Variants in HSPG2 observed in about 807,000 individuals in gnomAD.
HSPG2 encodes the protein heparan sulfate proteoglycan 2, also known as basement membrane-specific heparan sulfate proteoglycan core protein.
A neutral mutation model predicts 526.6 loss-of-function variants in HSPG2; 278 were observed. That is an observed-to-expected ratio of 0.53 (90% CI 0.48 to 0.58). The LOEUF is 0.58. HSPG2 is among the 20% of genes least tolerant of loss of function. The pLI is 0.00. For missense variants in HSPG2, 5,354 were observed against 6,099.5 expected (o/e 0.88, Z 4.07); for synonymous variants, 2,465 against 2,555.4 (o/e 0.96, Z 1.07).
chr1:21,852,358 G>A (rs1638968667), intron 52 of HSPG2, 125 bp from the exon 53 acceptor site: 2 of 1,240,894 alleles, frequency 1.6e-6, no homozygotes, highest in Non-Finnish European at 2.3e-6. Context: ...AGGCATCTGG[G>A]GGCCTGGACT....
At chr1:21,856,722 C>T (rs1639367925) in intron 44 of HSPG2, among the ~76,000 whole-genome samples, 1 of 152,164 alleles carries the variant, frequency 6.6e-6, no homozygotes, top group Admixed American at 6.5e-5. Flanking sequence ...TGGCCTTCTC[C>T]CACCTTGTTT....
Position 21,847,502 on chromosome 1 carries a change from C to T in HSPG2, c.8026-10G>A, listed in dbSNP as rs377601366. 2.2e-5 allele frequency: 36 copies of T among 1,613,514 alleles called. No individual in the cohort carries two copies. The highest frequency in any genetic ancestry group is 3.3e-4 in the Middle Eastern group (2 of 6,074). ...GGTGGGAGCCATGGGTCTGGACGTG[C>T]GGATGGGGAAGGAGAGGGAGAGGGA... is the stretch of plus-strand genomic sequence containing the variant. On this transcript the variant is annotated splice_polypyrimidine_tract_variant and intron_variant, in intron 61 of 96. Coordinates refer to ENST00000374695, the MANE Select transcript of HSPG2 (RefSeq NM_005529.7). The surrounding 1 kb of genome is among the most constrained non-coding windows in gnomAD (Gnocchi z 4.1).
rs113071869 is a variant in HSPG2, at chr1:21,896,932, G to A, written c.64-622C>T. On this transcript the variant is annotated intron_variant, in intron 1 of 96. Transcript: ENST00000374695. ...ACTGACAGGCTCATCCCTGGGCCCA[G>A]CAGCGCGGAGGCAGAGCTCAGTATC... Among the ~76,000 whole-genome samples the A allele has an allele frequency of 1.2e-4, 18 of 152,344 alleles. 1 individual carries two copies. Among genetic ancestry groups the A allele is most frequent in the African/African-American group, 4.1e-4 (17 of 41,584 alleles).
rs1023997960 is a variant in HSPG2, at chr1:21,823,458, C to A, written c.13034G>T (p.Gly4345Val). The part of the protein sequence containing the change: ...GGAPDVATLT[G>V]GRFSSGITGC... ...TGTGATGCCTGAGGAGAATCTGCCC[C>A]CGGTCAGCGTGGCCACGTCAGGGGC... Residue 4345 changes from glycine (G) to valine (V), a missense_variant, in exon 97 of 97, where the codon GGG becomes GTG. Transcript: ENST00000374695. The A allele has an allele frequency of 1.3e-6, 2 of 1,596,072 alleles. No individual in the cohort carries two copies. Among genetic ancestry groups the A allele is most frequent in the Admixed American group, 1.7e-5 (1 of 58,754 alleles).
rs372063145 is a variant in HSPG2, at chr1:21,847,853, G to A, written c.7874-13C>T. ...GAGACGCTGGGCACTGGGGACAGAC[G>A]GGTGTGGACCACGCAGCCAGAGTGA... On this transcript the variant is annotated splice_polypyrimidine_tract_variant and intron_variant, in intron 60 of 96. Transcript: ENST00000374695. The surrounding 1 kb of genome is among the most constrained non-coding windows in gnomAD (Gnocchi z 4.1). The A allele has an allele frequency of 1.3e-4, 210 of 1,613,872 alleles. No homozygotes were observed. In the East Asian group the frequency reaches 2.0e-3, roughly 16 times the overall value.
At chr1:21,844,901 CCT>C (rs1265538649) in intron 64 of HSPG2, among the ~76,000 whole-genome samples, 6 of 152,286 alleles carry the variant, frequency 3.9e-5, no homozygotes, top group Non-Finnish European at 8.8e-5. Context: ...GCATGTGCCC[CCT>C]GTGCTATTAA....
Position 21,847,458 on chromosome 1 carries a change from G to C in HSPG2, c.8060C>G (p.Ser2687Cys). ...CACATACTCGCCCGAGTCAGCCACAGACATTTGGTGCAACCGCAGGTGGGA... is the reference window on the plus strand; with the variant it reads ...CACATACTCGCCCGAGTCAGCCACACACATTTGGTGCAACCGCAGGTGGGA... ...HGSHLRLHQM[S>C]VADSGEYVCR... Residue 2687 changes from serine to cysteine, a missense_variant, in exon 62 of 97, where the codon TCT becomes TGT. Coordinates refer to ENST00000374695, the MANE Select transcript of HSPG2 (RefSeq NM_005529.7). This position sits in a 1 kb window ranked among gnomAD's most constrained non-coding sequence, Gnocchi z 4.1. The C allele has an allele frequency of 6.2e-7, 1 of 1,613,954 alleles. No individual in the cohort carries two copies. Among genetic ancestry groups the C allele is most frequent in the Non-Finnish European group, 8.5e-7 (1 of 1,180,042 alleles).
chr1:21,908,756 C>A (rs12075736), intron 1 of HSPG2, among the ~76,000 whole-genome samples: 1,691 of 152,282 alleles, frequency 0.011, 32 homozygotes, highest in African/African-American at 0.039. Flanking sequence ...AGCACTGACA[C>A]TCTAAAACAT....
In HSPG2 at chr1:21,823,394, G is replaced by A. The variant is rs759562639; in HGVS notation, c.13098C>T (p.Pro4366=). 45 of 1,562,724 alleles carry A rather than the reference G, an allele frequency of 2.9e-5. No homozygotes were observed. Among genetic ancestry groups the A allele is most frequent in the African/African-American group, 1.4e-4 (10 of 74,000 alleles). Residue 4366 remains proline, a synonymous_variant, in exon 97 of 97, where the codon CCC becomes CCT. Transcript: ENST00000374695. ...CCAGGGGCTGTGGGGGCGGGGCGCC[G>A]GGTCGGGCCGAGTGCAGCACCAGGT... ...VKNLVLHSAR[P]GAPPPQPLDL...
chr1:21,855,955 G>A, intron 44 of HSPG2, 43 bp from the exon 45 acceptor site: 1 of 1,599,836 alleles, frequency 6.3e-7, no homozygotes, highest in Non-Finnish European at 8.5e-7. Flanking sequence ...GGTGGGGAGT[G>A]TCGTCTGACT....
In HSPG2 at chr1:21,864,921, C is replaced by T. The variant is rs140190951; in HGVS notation, c.4548G>A (p.Pro1516=). 33 of 1,608,316 alleles carry T rather than the reference C, an allele frequency of 2.1e-5. No homozygotes were observed. Among genetic ancestry groups the T allele is most frequent in the African/African-American group, 8.0e-5 (6 of 74,888 alleles). ...ISAVSLEVAQ[P]GPSNRPRALE... ...GGGCGCGGGGTCTGTTTGAGGGCCC[C>T]GGCTGGGCGACCTCCAGGCTGACTG... is the stretch of plus-strand genomic sequence containing the variant. The change falls in exon 36 of 97, where the codon CCG becomes CCA. Residue 1516 remains proline, a synonymous_variant. Coordinates refer to ENST00000374695, the MANE Select transcript of HSPG2 (RefSeq NM_005529.7). The surrounding 1 kb of genome is among the most constrained non-coding windows in gnomAD (Gnocchi z 4.8).
intron 80 of HSPG2, 75 bp from the exon 81 acceptor site, chr1:21,832,681 C>T (rs2098009755): frequency 3.5e-6 from 4 of 1,135,664 alleles, no homozygotes; most frequent in Non-Finnish European, 4.0e-6. Flanking sequence ...TAGAAACCAC[C>T]CAAGCTCTTG....
In HSPG2 at chr1:21,859,476, C is replaced by A; in HGVS notation, c.5293+90G>T. ...TGTTCGGGCAACCACTGCCCCCTCC[C>A]AGCAGGTGAATGCACCATCTGCCTG... is the stretch of plus-strand genomic sequence containing the variant. On this transcript the variant is annotated intron_variant, in intron 42 of 96. Coordinates refer to ENST00000374695, the MANE Select transcript of HSPG2 (RefSeq NM_005529.7). This position sits in a 1 kb window ranked among gnomAD's most constrained non-coding sequence, Gnocchi z 5.3. 1.0e-6 allele frequency: 1 copy of A among 1,001,978 alleles called. No homozygotes were observed. Among genetic ancestry groups the A allele is most frequent in the East Asian group, 2.6e-5 (1 of 38,386 alleles). The allele number at this position is 1,001,978 out of a possible 1,614,324, so 62.1% of individuals were successfully genotyped here.
At chr1:21,930,635 G>C (rs993929711) in intron 1 of HSPG2, among the ~76,000 whole-genome samples, 1 of 152,068 alleles carries the variant, frequency 6.6e-6, no homozygotes, top group Admixed American at 6.6e-5. Flanking sequence ...TTAGCTGGAC[G>C]TGGTGGCGTG....
intron 1 of HSPG2, among the ~76,000 whole-genome samples, chr1:21,914,125 A>C (rs1222051172): frequency 6.6e-6 from 1 of 152,218 alleles, no homozygotes; most frequent in East Asian, 1.9e-4. Context: ...AGCAGGTACT[A>C]TGAGCCACAC....
intron 70 of HSPG2, 101 bp from the exon 71 acceptor site, chr1:21,841,386 C>T: frequency 6.4e-7 from 1 of 1,560,550 alleles, no homozygotes; most frequent in Non-Finnish European, 8.8e-7. Context: ...GGGCACCTGT[C>T]TCCCCACTGC....
Position 21,854,960 on chromosome 1 carries a change from G to C in HSPG2, c.6021C>G (p.Ile2007Met), listed in dbSNP as rs751066071. 3 of 1,613,638 alleles carry C rather than the reference G, an allele frequency of 1.9e-6. No individual in the cohort carries two copies. Among genetic ancestry groups the C allele is most frequent in the South Asian group, 1.1e-5 (1 of 91,088 alleles). Residue 2007 changes from isoleucine to methionine, a missense_variant, in exon 48 of 97, where the codon ATC (isoleucine) becomes ATG (methionine). By Grantham distance (10) the Ile-to-Met change is conservative. Transcript: ENST00000374695. ...TGATGGCTGGGATGAGCAGTGTCGC[G>C]ATGTCTGTGCGCTCTGACCGGGCCT... Reference protein sequence around the residue: ...PPQARSERTDIATLLIPAITT... With the variant: ...PPQARSERTDMATLLIPAITT...
Position 21,839,349 on chromosome 1 carries a change from C to T in HSPG2, c.9889+22G>A, listed in dbSNP as rs531894502. On this transcript the variant is annotated intron_variant, in intron 73 of 96. Coordinates refer to ENST00000374695, the MANE Select transcript of HSPG2 (RefSeq NM_005529.7). This position sits in a 1 kb window ranked among gnomAD's most constrained non-coding sequence, Gnocchi z 4.5. ...GGCTCAGATCTCCATTTGGTGCAGACAAAGAAGGGATGAGGCCTTACTCTC... is the reference window on the plus strand; with the variant it reads ...GGCTCAGATCTCCATTTGGTGCAGATAAAGAAGGGATGAGGCCTTACTCTC... 2.5e-6 allele frequency: 4 copies of T among 1,607,766 alleles called. No homozygotes were observed. The highest frequency in any genetic ancestry group is 2.5e-6 in the Non-Finnish European group (3 of 1,179,580).
intron 56 of HSPG2, 21 bp from the exon 57 acceptor site, chr1:21,850,213 G>GTCAA: frequency 6.2e-7 from 1 of 1,613,240 alleles, no homozygotes; most frequent in Non-Finnish European, 8.5e-7. Context: ...AGGGCAAAGG[G>GTCAA]TCAATAGCCG....
Sources: gnomAD v4.1 joint callset for allele counts (sites outside exome capture counted in the v4.1 genomes callset) on GRCh38, gnomAD v4.1.1 for gene constraint, Gnocchi (gnomAD v3.1) non-coding constraint, MANE v1.5 for transcripts, NCBI Gene and HGNC (gene_info 2026-07-23, HGNC 2026-07-21) for gene names.